RBM46: variants seen among roughly 807,000 people sequenced by gnomAD.
The protein encoded by RBM46 is probable RNA-binding protein 46.
A neutral mutation model predicts 43.3 loss-of-function variants in RBM46; 12 were observed. The observed-to-expected ratio is 0.28, with a 90% CI of 0.18 to 0.45. The LOEUF is 0.45. Among genes scored for constraint, RBM46 ranks in the 20% least tolerant of loss-of-function variants. The probability of loss-of-function intolerance (pLI) is 1.00; values close to 1 mark genes in which losing one functional copy is unlikely to be tolerated. For missense variants in RBM46, 412 were observed against 639.1 expected (o/e 0.64, Z 3.83); for synonymous variants, 205 against 207.6 (o/e 0.99, Z 0.11).
intron 2 of RBM46, among the ~76,000 whole-genome samples, 159 bp downstream of exon 2, chr4:154,797,062 T>C (rs1467606619): frequency 1.3e-5 from 2 of 152,150 alleles, no homozygotes; most frequent in East Asian, 3.9e-4. Context: ...ATAAATGTTA[T>C]TCATGTCTTA....
intron 4 of RBM46, 45 bp downstream of exon 4, chr4:154,799,609 AAAT>A: frequency 7.8e-7 from 1 of 1,274,928 alleles, no homozygotes; most frequent in Non-Finnish European, 1.1e-6. Flanking sequence ...TGAAATTAGG[AAAT>A]ACTGTAGATT....
intron 1 of RBM46, among the ~76,000 whole-genome samples, chr4:154,788,734 G>C (rs906001240): frequency 2.0e-5 from 3 of 152,164 alleles, no homozygotes; most frequent in Non-Finnish European, 2.9e-5. Context: ...GTCATTGGTA[G>C]CTTGATGGGG....
chr4:154,787,498 A>G (rs777928486), intron 1 of RBM46, among the ~76,000 whole-genome samples: 3 of 151,900 alleles, frequency 2.0e-5, no homozygotes, highest in Non-Finnish European at 2.9e-5. Flanking sequence ...CCATATCCCT[A>G]CAAAGGACAT....
chr4:154,815,784 A>G (rs1735407716), intron 4 of RBM46, among the ~76,000 whole-genome samples: 1 of 152,054 alleles, frequency 6.6e-6, no homozygotes, highest in African/African-American at 2.4e-5. Context: ...TAATTTTAAT[A>G]TGATTCAATT....
At chr4:154,796,139 C>T (rs1734340356) in intron 1 of RBM46, among the ~76,000 whole-genome samples, 1 of 151,980 alleles carries the variant, frequency 6.6e-6, no homozygotes, top group Non-Finnish European at 1.5e-5. Context: ...TGCACTCTAG[C>T]CTGGGTGACA....
At chr4:154,800,295 G>A (rs1358900268) in intron 4 of RBM46, among the ~76,000 whole-genome samples, 3 of 152,140 alleles carry the variant, frequency 2.0e-5, no homozygotes, top group East Asian at 1.9e-4. Flanking sequence ...CAGGGGATAG[G>A]GAGTTAGTAA....
intron 4 of RBM46, among the ~76,000 whole-genome samples, chr4:154,799,780 G>T (rs1734533354): frequency 8.1e-6 from 1 of 124,106 alleles, no homozygotes. Flanking sequence ...TTTTTTGAGA[G>T]ATGGAGTCTT....
intron 4 of RBM46, among the ~76,000 whole-genome samples, chr4:154,803,572 A>G (rs537988594): frequency 6.6e-5 from 10 of 151,756 alleles, no homozygotes; most frequent in Non-Finnish European, 1.5e-4. Flanking sequence ...GCGTGGTGGC[A>G]GGCGCCTGTA....
chr4:154,798,668 A>G, intron 3 of RBM46, 114 bp from the exon 4 acceptor site: 1 of 822,932 alleles, frequency 1.2e-6, no homozygotes, highest in Non-Finnish European at 1.7e-6. Context: ...TGCTTAACCA[A>G]ATTTATTGAT....
intron 4 of RBM46, among the ~76,000 whole-genome samples, chr4:154,815,853 T>A (rs1454934610): frequency 1.3e-5 from 2 of 152,142 alleles, no homozygotes; most frequent in African/African-American, 2.4e-5. Flanking sequence ...CACCACAGGG[T>A]CATGAAATAT....
rs771659609 is a variant in RBM46, at chr4:154,797,908, A to C, written c.249A>C (p.Arg83Ser). The C allele has an allele frequency of 6.2e-7, 1 of 1,611,548 alleles. No individual in the cohort carries two copies. The highest frequency in any genetic ancestry group is 8.5e-7 in the Non-Finnish European group (1 of 1,179,324). ...YEDELVPVFE[R>S]AGKIYEFRLM... The stretch of plus-strand genomic sequence containing the variant: ...ATGAGTTAGTTCCTGTATTTGAAAG[A>C]GCTGGGAAGATATATGAATTTCGAC... The change falls in exon 3 of 5, where the codon AGA becomes AGC. Residue 83 changes from arginine to serine, a missense_variant. Physicochemically the swap from Arg to Ser is moderately radical, Grantham distance 110. Around this residue, in one of 8 missense-constraint regions of RBM46, gnomAD observed 27 missense variants for 115.8 expected, o/e 0.23. Coordinates refer to ENST00000281722, the MANE Select transcript of RBM46 (RefSeq NM_144979.5).
intron 4 of RBM46, among the ~76,000 whole-genome samples, chr4:154,802,765 T>A (rs2111151153): frequency 6.6e-6 from 1 of 152,300 alleles, no homozygotes; most frequent in Non-Finnish European, 1.5e-5. Flanking sequence ...TTTTAAGATA[T>A]TTTCTTTGGG....
intron 4 of RBM46, among the ~76,000 whole-genome samples, chr4:154,824,377 A>G (rs1330993164): frequency 1.3e-5 from 2 of 152,112 alleles, no homozygotes; most frequent in African/African-American, 2.4e-5. Context: ...ATGAAAACAT[A>G]TATCCACCAA....
chr4:154,784,625 G>A (rs766703987), intron 1 of RBM46, among the ~76,000 whole-genome samples: 6 of 152,144 alleles, frequency 3.9e-5, no homozygotes, highest in Non-Finnish European at 7.4e-5. Context: ...ATATCTGAAA[G>A]CTAGAGTTAA....
chr4:154,827,374 A>G, intron 4 of RBM46: 2 of 985,502 alleles, frequency 2.0e-6, no homozygotes, highest in Non-Finnish European at 1.2e-6. Flanking sequence ...TAGTATTTAA[A>G]TAATGAAATA....
chr4:154,809,661 AT>A (rs1263999885), intron 4 of RBM46, among the ~76,000 whole-genome samples: 1 of 152,054 alleles, frequency 6.6e-6, no homozygotes, highest in Non-Finnish European at 1.5e-5. Flanking sequence ...CCTCCACTCA[AT>A]TTCTTAACCT....
At chr4:154,798,651 A>G in intron 3 of RBM46, 131 bp from the exon 4 acceptor site, 1 of 700,026 alleles carries the variant, frequency 1.4e-6, no homozygotes, top group South Asian at 3.7e-5. Flanking sequence ...TGTGAATAGG[A>G]AACAAATGCT....
At chr4:154,806,381 T>C (rs978138906) in intron 4 of RBM46, among the ~76,000 whole-genome samples, 5 of 151,850 alleles carry the variant, frequency 3.3e-5, no homozygotes, top group Admixed American at 6.6e-5. Context: ...GACTTCAATG[T>C]CCTCAGATCT....
At chr4:154,786,043 AT>A (rs142070996) in intron 1 of RBM46, among the ~76,000 whole-genome samples, 1 of 152,172 alleles carries the variant, frequency 6.6e-6, no homozygotes, top group Non-Finnish European at 1.5e-5. Context: ...AAAATATTGA[AT>A]TTTTTAAAAG....
Sources: gnomAD v4.1 joint callset for allele counts (sites outside exome capture counted in the v4.1 genomes callset) on GRCh38, gnomAD v4.1.1 for gene constraint, gnomAD v4.1.1 regional missense constraint, MANE v1.5 for transcripts, NCBI Gene and HGNC (gene_info 2026-07-23, HGNC 2026-07-21) for gene names.